Variants in RAB3GAP2 observed in about 807,000 individuals in gnomAD.
The protein encoded by RAB3GAP2 is RAB3 GTPase activating non-catalytic protein subunit 2, also known as rab3 GTPase-activating protein non-catalytic subunit.
Under a neutral mutation model 185.3 loss-of-function variants are expected in RAB3GAP2, and 87 were observed. That is an observed-to-expected ratio of 0.47 (90% CI 0.39 to 0.56). The LOEUF is 0.56. Ranked by LOEUF, RAB3GAP2 falls within the 20% of genes least tolerant of loss-of-function variation. The pLI, the probability that RAB3GAP2 is intolerant of heterozygous loss-of-function variation, is 0.00. For missense variants in RAB3GAP2, 1,492 were observed against 1,638.2 expected, an observed-to-expected ratio of 0.91 and a Z score of 1.54; for synonymous variants, 554 against 576.1, an observed-to-expected ratio of 0.96 and a Z score of 0.55.
intron 1 of RAB3GAP2, among the ~76,000 whole-genome samples, chr1:220,234,736 C>A (rs1558165037): frequency 5.3e-5 from 8 of 151,910 alleles, no homozygotes; most frequent in Admixed American, 2.0e-4. Flanking sequence ...TAATGGACTA[C>A]TAATGGGAAC....
intron 27 of RAB3GAP2, among the ~76,000 whole-genome samples, chr1:220,164,086 G>C (rs779199884): frequency 9.2e-5 from 14 of 152,038 alleles, no homozygotes; most frequent in Admixed American, 2.0e-4. Context: ...TTTCAAGGAG[G>C]CATCAGTAGT....
intron 17 of RAB3GAP2, among the ~76,000 whole-genome samples, chr1:220,188,672 G>C (rs1658551015): frequency 6.6e-6 from 1 of 152,164 alleles, no homozygotes; most frequent in Non-Finnish European, 1.5e-5. Context: ...TCACACCCTA[G>C]CAATTCCACT....
chr1:220,182,346 A>G lies in RAB3GAP2; in HGVS notation c.2221T>C (p.Phe741Leu). Residue 741 changes from phenylalanine to leucine, a missense_variant, in exon 21 of 35, where the codon TTT (phenylalanine) becomes CTT (leucine). This residue lies in a region of RAB3GAP2 where 681 missense variants were observed against 689.1 expected (regional missense o/e 0.99). Transcript: ENST00000358951. The stretch of plus-strand genomic sequence containing the variant: ...TCTCCATGCAAACACTTCCAAAAAA[A>G]GAAACTACCTGGTAGAAGAAAAACA... ...EEEYVALGSF[F>L]FWKCLHGESS... 6.2e-7 allele frequency: 1 copy of G among 1,614,076 alleles called. No individual in the cohort carries two copies. Among genetic ancestry groups the G allele is most frequent in the Non-Finnish European group, 8.5e-7 (1 of 1,179,958 alleles).
rs749966274 is a variant in RAB3GAP2 at position 220,182,295 on chromosome 1, T to C, written c.2272A>G (p.Thr758Ala). ...GESSTEDMCH[T>A]LESAGLSPQL... The stretch of plus-strand genomic sequence containing the variant: ...GGGCTAAGACCAGCCGACTCCAAAG[T>C]GTGACACATATCCTCAGTGGAGCTT... The change falls in exon 21 of 35, where the codon ACT becomes GCT. Residue 758 changes from threonine to alanine, a missense_variant. Coordinates refer to ENST00000358951, the MANE Select transcript of RAB3GAP2 (RefSeq NM_012414.4). 1 of 1,614,048 alleles carries C rather than the reference T, an allele frequency of 6.2e-7. No homozygotes were observed. The highest frequency in any genetic ancestry group is 8.5e-7 in the Non-Finnish European group (1 of 1,180,000).
At chr1:220,186,088 G>A (rs1324955431) in intron 17 of RAB3GAP2, among the ~76,000 whole-genome samples, 1 of 152,018 alleles carries the variant, frequency 6.6e-6, no homozygotes, top group Non-Finnish European at 1.5e-5. Flanking sequence ...AGGCATAAAC[G>A]AAAAGCAGAG....
intron 28 of RAB3GAP2, among the ~76,000 whole-genome samples, chr1:220,161,131 C>A (rs1657956513): frequency 6.6e-6 from 1 of 151,992 alleles, no homozygotes; most frequent in Non-Finnish European, 1.5e-5. Context: ...AGGAGAACAA[C>A]ATCATAAAGG....
chr1:220,252,028 T>C (rs2102523512), intron 1 of RAB3GAP2, among the ~76,000 whole-genome samples: 1 of 151,782 alleles, frequency 6.6e-6, no homozygotes, highest in South Asian at 2.1e-4. Context: ...GGCACATGTC[T>C]GTAGTCCCAG....
intron 7 of RAB3GAP2, 149 bp downstream of exon 7, chr1:220,210,239 A>C: frequency 2.7e-6 from 2 of 738,546 alleles, no homozygotes; most frequent in South Asian, 2.8e-5. Flanking sequence ...CTCAGCTACA[A>C]ATAGATTATA....
At chr1:220,183,108 A>C (rs1658443540) in intron 19 of RAB3GAP2, among the ~76,000 whole-genome samples, 177 bp from the exon 20 acceptor site, 1 of 152,218 alleles carries the variant, frequency 6.6e-6, no homozygotes, top group Admixed American at 6.5e-5. Flanking sequence ...TATTTAAATA[A>C]AGTAAACTAT....
chr1:220,245,682 T>C lies in RAB3GAP2; in HGVS notation c.116-12819A>G, dbSNP rs371477660. ...GAGCCCACCACAGCTCAAGGAGGCC[T>C]GCCTGCCTCTGTAGGCTCCACCTCT... On this transcript the variant is annotated intron_variant, in intron 1 of 34. Coordinates refer to ENST00000358951, the MANE Select transcript of RAB3GAP2 (RefSeq NM_012414.4). Among the ~76,000 whole-genome samples the C allele has an allele frequency of 2.2e-4, 33 of 151,988 alleles. No individual in the cohort carries two copies. The East Asian group carries it at 6.1e-3, about 28-fold the overall frequency.
At chr1:220,260,435 G>A (rs938564961) in intron 1 of RAB3GAP2, among the ~76,000 whole-genome samples, 3 of 152,268 alleles carry the variant, frequency 2.0e-5, no homozygotes, top group Non-Finnish European at 2.9e-5. Flanking sequence ...ACAAGATTAC[G>A]TCCTTTGCAG....
rs544877591 is a variant in RAB3GAP2, at chr1:220,184,203, T to A, written c.1871-40A>T. ...GAAAAGTATATATAAGAGATATATT[T>A]AACAGACTCATAAACAGGCTTTGCT... is the stretch of plus-strand genomic sequence containing the variant. On this transcript the variant is annotated intron_variant, in intron 18 of 34. Transcript: ENST00000358951. The A allele has an allele frequency of 2.8e-5, 43 of 1,540,120 alleles. No individual in the cohort carries two copies. The South Asian group carries it at 4.4e-4, about 16-fold the overall frequency.
intron 9 of RAB3GAP2, chr1:220,200,806 T>C (rs1658839695): frequency 5.5e-6 from 2 of 360,630 alleles, no homozygotes; most frequent in Non-Finnish European, 1.1e-5. Flanking sequence ...CAGATATCCT[T>C]AGCCTCTTTA....
intron 21 of RAB3GAP2, among the ~76,000 whole-genome samples, chr1:220,173,821 C>T (rs541304038): frequency 3.9e-5 from 6 of 152,072 alleles, no homozygotes; most frequent in Admixed American, 2.0e-4. Flanking sequence ...GAGATTGAGA[C>T]CATCCTGGCT....
At chr1:220,271,702 G>A (rs1466816466) in intron 1 of RAB3GAP2, among the ~76,000 whole-genome samples, 1 of 152,098 alleles carries the variant, frequency 6.6e-6, no homozygotes, top group African/African-American at 2.4e-5. Flanking sequence ...AGAAGGGAGA[G>A]TGTGGGGGGA....
intron 33 of RAB3GAP2, 108 bp from the exon 34 acceptor site, chr1:220,151,872 G>T: frequency 8.4e-7 from 1 of 1,188,542 alleles, no homozygotes. Flanking sequence ...TTGAACTGTG[G>T]CCATTTATCT....
intron 1 of RAB3GAP2, among the ~76,000 whole-genome samples, chr1:220,262,657 T>C (rs10779401): frequency 0.1 from 15,380 of 152,274 alleles, 1,192 homozygotes; most frequent in African/African-American, 0.21. Context: ...TTGATTTTAA[T>C]GGCTAAACAG....
chr1:220,208,767 A>G (rs2102879304), intron 7 of RAB3GAP2, among the ~76,000 whole-genome samples: 1 of 151,400 alleles, frequency 6.6e-6, no homozygotes, highest in African/African-American at 2.4e-5. Flanking sequence ...CCCAGGCTGG[A>G]GTGTAGTGGC....
At position 220,157,425 on chromosome 1, in the gene RAB3GAP2, C is replaced by T. The variant is rs138489010; in HGVS notation, c.3400G>A (p.Val1134Met). The T allele has an allele frequency of 5.6e-5, 91 of 1,613,986 alleles. 1 individual carries two copies. Among genetic ancestry groups the T allele is most frequent in the South Asian group, 2.1e-4 (19 of 91,070 alleles). Residue 1134 changes from valine (V) to methionine (M), a missense_variant, in exon 31 of 35, where the codon GTG becomes ATG. Around this residue, in one of 5 missense-constraint regions of RAB3GAP2, gnomAD observed 387 missense variants for 455.3 expected, o/e 0.85. Transcript: ENST00000358951. The part of the protein sequence containing the change: ...VLDTEDAWLS[V>M]EGPISIVELA... ...TCCACTATGGAGATTGGTCCTTCCA[C>T]GGAGAGCCACGCATCCTCAGTATCC... is the stretch of plus-strand genomic sequence containing the variant.
Sources: allele counts gnomAD v4.1 joint callset (sites outside exome capture counted in the v4.1 genomes callset), GRCh38; gene constraint gnomAD v4.1.1; regional missense constraint gnomAD v4.1.1; transcripts MANE v1.5; gene names NCBI Gene and HGNC (gene_info 2026-07-23, HGNC 2026-07-21).